The following EIF2S1 variants were observed in gnomAD, a reference collection of about 807,000 sequenced individuals.
The protein encoded by EIF2S1 is eukaryotic translation initiation factor 2 subunit alpha.
In EIF2S1, 5 loss-of-function variants were observed where a neutral mutation model predicts 33.5. The observed-to-expected ratio is 0.15, with a 90% CI of 0.08 to 0.31. The LOEUF (loss-of-function observed/expected upper bound fraction) is 0.31, where lower values mean the gene tolerates loss of function less well. EIF2S1 is among the 10% of genes least tolerant of loss of function. EIF2S1 has a pLI of 1.00. For synonymous variants in EIF2S1, 99 were observed against 127.5 expected (o/e 0.78, Z 1.51); for missense variants, 191 against 384.6 (o/e 0.50, Z 4.21).
At chr14:67,377,588 C>T (rs2085863998) in intron 4 of EIF2S1, among the ~76,000 whole-genome samples, 1 of 152,234 alleles carries the variant, frequency 6.6e-6, no homozygotes, top group Non-Finnish European at 1.5e-5. Context: ...GCTGCTGTCA[C>T]TGGAATTTGT....
chr14:67,381,486 C>T, intron 5 of EIF2S1, 107 bp from the exon 6 acceptor site: 1 of 783,560 alleles, frequency 1.3e-6, no homozygotes. Flanking sequence ...AGGTTGGATT[C>T]AGTATAAGTA....
intron 4 of EIF2S1, 48 bp from the exon 5 acceptor site, chr14:67,380,611 C>G (rs1273632893): frequency 9.6e-7 from 1 of 1,041,176 alleles, no homozygotes; most frequent in Non-Finnish European, 1.4e-6. Flanking sequence ...TCACATTTAT[C>G]AGTAATATAA....
chr14:67,383,629 C>A lies in EIF2S1; in HGVS notation c.*189C>A. ...AATGTCAGCTGTTGTCACACAGTAG[C>A]TCCAACACTTTGAGCATTTTTAAGG... On this transcript the variant is annotated 3_prime_UTR_variant, in exon 8 of 8. Coordinates refer to ENST00000256383, the MANE Select transcript of EIF2S1 (RefSeq NM_004094.5). The A allele has an allele frequency of 1.4e-6, 1 of 706,874 alleles. No homozygotes were observed. The allele number at this position is 706,874 out of a possible 1,614,324, so 43.8% of individuals were successfully genotyped here.
chr14:67,365,667 C>T (rs957653699), intron 2 of EIF2S1, among the ~76,000 whole-genome samples: 4 of 152,086 alleles, frequency 2.6e-5, no homozygotes, highest in South Asian at 4.1e-4. Context: ...AATACCATTA[C>T]GTAGGTTTTA....
Position 67,361,476 on chromosome 14 carries a change from A to G in EIF2S1, c.-2+1020A>G, listed in dbSNP as rs541623336. 6.0e-4 allele frequency among the ~76,000 whole-genome samples: 91 copies of G among 152,378 alleles called. 1 individual carries two copies. The highest frequency in any genetic ancestry group is 2.0e-3 in the African/African-American group (85 of 41,592). ...AAAGCTTTACTTATGTAGCACTCCT[A>G]TACCAAGAACTAGCATTCAGAGAGC... is the stretch of plus-strand genomic sequence containing the variant. On this transcript the variant is annotated intron_variant, in intron 1 of 7. Coordinates refer to ENST00000256383, the MANE Select transcript of EIF2S1 (RefSeq NM_004094.5).
rs36045871 is a variant in EIF2S1, at chr14:67,367,316, C to T, written c.241+2308C>T. Among the ~76,000 whole-genome samples the T allele has an allele frequency of 6.0e-3, 917 of 152,266 alleles. 20 individuals are homozygous for T. The highest frequency in any genetic ancestry group is 0.053 in the East Asian group (273 of 5,164). ...CACGATCTTGGCTCACTGCAACCTC[C>T]GACTCCCTGGTTCAAGCAATTCTCC... On this transcript the variant is annotated intron_variant, in intron 2 of 7. Transcript: ENST00000256383.
chr14:67,363,568 C>T (rs2085756056), intron 1 of EIF2S1, among the ~76,000 whole-genome samples: 1 of 152,054 alleles, frequency 6.6e-6, no homozygotes. Flanking sequence ...GGATTCAAAT[C>T]CTGACTCATC....
chr14:67,373,435 T>G (rs2085837434), intron 2 of EIF2S1, among the ~76,000 whole-genome samples: 1 of 152,208 alleles, frequency 6.6e-6, no homozygotes, highest in Non-Finnish European at 1.5e-5. Flanking sequence ...TGAAAGGGCA[T>G]TTGACAAAAT....
chr14:67,365,980 C>A (rs2085774422), intron 2 of EIF2S1, among the ~76,000 whole-genome samples: 1 of 152,020 alleles, frequency 6.6e-6, no homozygotes, highest in Non-Finnish European at 1.5e-5. Context: ...TAGCTATAGC[C>A]CCGCCCAAAA....
intron 4 of EIF2S1, among the ~76,000 whole-genome samples, chr14:67,377,051 G>A (rs1438003595): frequency 2.6e-5 from 4 of 152,112 alleles, no homozygotes; most frequent in Non-Finnish European, 5.9e-5. Flanking sequence ...CTAGCTCCCA[G>A]TTGGTCCTAT....
Position 67,374,456 on chromosome 14 carries a change from T to C in EIF2S1, c.242-12T>C. ...TGGACAGAGATGATTTTTTCACAAT[T>C]TTTTTGTACAGGATATATTGATTTG... On this transcript the variant is annotated splice_polypyrimidine_tract_variant and intron_variant, in intron 2 of 7. Transcript: ENST00000256383. 4.5e-6 allele frequency: 7 copies of C among 1,566,012 alleles called. No homozygotes were observed. The highest frequency in any genetic ancestry group is 6.1e-6 in the Non-Finnish European group (7 of 1,147,852).
chr14:67,370,215 A>C (rs1047653559), intron 2 of EIF2S1, among the ~76,000 whole-genome samples: 3 of 152,154 alleles, frequency 2.0e-5, no homozygotes, highest in Admixed American at 2.0e-4. Context: ...TAAACCCACA[A>C]CCTTCCAGCT....
chr14:67,365,324 T>C (rs2085767974), intron 2 of EIF2S1, among the ~76,000 whole-genome samples: 1 of 152,252 alleles, frequency 6.6e-6, no homozygotes, highest in African/African-American at 2.4e-5. Context: ...CTAGTTCATT[T>C]ACATTGGTAG....
intron 1 of EIF2S1, chr14:67,360,827 T>C (rs1383787738): frequency 6.6e-6 from 1 of 152,212 alleles, no homozygotes; most frequent in Non-Finnish European, 1.5e-5. Flanking sequence ...CTTTGCTTTT[T>C]CCAGGCTTGA....
At chr14:67,373,296 C>T (rs1233915288) in intron 2 of EIF2S1, among the ~76,000 whole-genome samples, 1 of 151,926 alleles carries the variant, frequency 6.6e-6, no homozygotes, top group East Asian at 1.9e-4. Flanking sequence ...GAACTTAACA[C>T]TAAAAGTGGT....
chr14:67,367,528 C>T (rs540054577), intron 2 of EIF2S1, among the ~76,000 whole-genome samples: 7 of 152,380 alleles, frequency 4.6e-5, no homozygotes, highest in African/African-American at 1.2e-4. Context: ...CACGCCCCAC[C>T]CCATCCAGGT....
chr14:67,377,147 C>T, intron 4 of EIF2S1, among the ~76,000 whole-genome samples: 1 of 152,184 alleles, frequency 6.6e-6, no homozygotes, highest in Non-Finnish European at 1.5e-5. Context: ...CCTTTTCTCT[C>T]TTATCCAACA....
chr14:67,384,445 A>G lies in EIF2S1; in HGVS notation c.*1005A>G, dbSNP rs532134486. On this transcript the variant is annotated 3_prime_UTR_variant, in exon 8 of 8. Coordinates refer to ENST00000256383, the MANE Select transcript of EIF2S1 (RefSeq NM_004094.5). ...ACATAATAAGTTTCATAGGTAACACATTATTTGAAGTTACAGCTACAGTAG... is the reference window on the plus strand; with the variant it reads ...ACATAATAAGTTTCATAGGTAACACGTTATTTGAAGTTACAGCTACAGTAG... The G allele has an allele frequency of 2.6e-5, 4 of 152,050 alleles. No homozygotes were observed. The highest frequency in any genetic ancestry group is 6.5e-5 in the Admixed American group (1 of 15,276). The allele number at this position is 152,050 out of a possible 1,614,324, so 9.4% of individuals were successfully genotyped here. A position where few individuals can be genotyped will look rare whatever the true frequency, so the allele number is the denominator to read the frequency against.
chr14:67,365,165 GCTAT>G (rs1311902877), intron 2 of EIF2S1, among the ~76,000 whole-genome samples, 157 bp downstream of exon 2: 1 of 151,952 alleles, frequency 6.6e-6, no homozygotes, highest in Non-Finnish European at 1.5e-5. Flanking sequence ...ATGCCAATTA[GCTAT>G]CTAAGCAAGA....
Sources: allele counts gnomAD v4.1 joint callset (sites outside exome capture counted in the v4.1 genomes callset), GRCh38; gene constraint gnomAD v4.1.1; transcripts MANE v1.5; gene names NCBI Gene and HGNC (gene_info 2026-07-23, HGNC 2026-07-21).